Variants in RNF213 observed in about 807,000 individuals in gnomAD.
The protein encoded by RNF213 is ring finger protein 213.
In RNF213, 341 loss-of-function variants were observed where a neutral mutation model predicts 514.4. The ratio of observed to expected loss-of-function variants is 0.66; its 90% confidence interval spans 0.61 to 0.73. The LOEUF is 0.73. Among genes scored for constraint, RNF213 ranks in the 30% least tolerant of loss-of-function variants. The probability of loss-of-function intolerance (pLI) is 0.00; values close to 1 mark genes in which losing one functional copy is unlikely to be tolerated. For synonymous variants in RNF213, 2,655 were observed against 2,658.2 expected (o/e 1.00, Z 0.04); for missense variants, 5,767 against 6,615.6 (o/e 0.87, Z 4.45).
In RNF213 at chr17:80,327,967, GT is replaced by G. The variant is rs1568077294; in HGVS notation, c.3348del (p.Asp1118ThrfsTer5). On this transcript the variant is annotated frameshift_variant, in exon 19 of 68. Transcript: ENST00000582970. LOFTEE classifies it high-confidence loss of function. ...AGCTGATTATAAAGCACAAGAATCA[GT>G]TTCTTGACATCTGGCAACTGAGTAA... is the stretch of plus-strand genomic sequence containing the variant. Reference protein sequence around the residue: ...LELIIKHKNQFLDIWQLREKS... With the variant: ...LELIIKHKNQXLDIWQLREKS... 3.3e-6 allele frequency: 5 copies of G among 1,537,292 alleles called. No individual in the cohort carries two copies. Among genetic ancestry groups the G allele is most frequent in the Non-Finnish European group, 4.4e-6 (5 of 1,146,916 alleles).
At chr17:80,289,347 T>C (rs1451435223) in intron 5 of RNF213, among the ~76,000 whole-genome samples, 3 of 152,154 alleles carry the variant, frequency 2.0e-5, no homozygotes, top group African/African-American at 7.2e-5. Flanking sequence ...CCCAGCACTT[T>C]GGGAAGCCCA....
chr17:80,332,028 A>G lies in RNF213; in HGVS notation c.3540A>G (p.Val1180=). The change falls in exon 21 of 68, where the codon GTA becomes GTG. Residue 1180 remains valine, a synonymous_variant. Coordinates refer to ENST00000582970, the MANE Select transcript of RNF213 (RefSeq NM_001256071.3). ...AAGTGGACTTTGGAGTGCTTGCAGT[A>G]AGACACTCACAAGACCTCAGCAGTA... ...LIQVDFGVLA[V]RHSQDLSSKR... The G allele has an allele frequency of 6.5e-7, 1 of 1,536,626 alleles. No individual in the cohort carries two copies. Among genetic ancestry groups the G allele is most frequent in the South Asian group, 1.2e-5 (1 of 84,050 alleles).
At chr17:80,336,630 G>T in intron 23 of RNF213, 1 of 508,586 alleles carries the variant, frequency 2.0e-6, no homozygotes, top group Non-Finnish European at 3.6e-6. Flanking sequence ...AGACAGAAGG[G>T]AAATATGCTG....
Position 80,289,739 on chromosome 17 carries a change from C to G in RNF213, c.1014C>G (p.Asp338Glu). Residue 338 changes from aspartate to glutamate, a missense_variant, in exon 6 of 68, where the codon GAC (aspartate) becomes GAG (glutamate). Transcript: ENST00000582970. ...AGAATGAACAAGGGGAGCCTGAAGA[C>G]CTCAAGAAGCCAGAGGGGAAGAACA... Reference protein sequence around the residue: ...VGKNEQGEPEDLKKPEGKNRS... With the variant: ...VGKNEQGEPEELKKPEGKNRS... 1 of 1,614,016 alleles carries G rather than the reference C, an allele frequency of 6.2e-7. No homozygotes were observed. Among genetic ancestry groups the G allele is most frequent in the Non-Finnish European group, 8.5e-7 (1 of 1,179,992 alleles).
rs148157068 is a variant in RNF213, at chr17:80,371,944, G to A, written c.12496G>A (p.Asp4166Asn). The change falls in exon 47 of 68, where the codon GAT becomes AAT. Residue 4166 changes from aspartate (D) to asparagine (N), a missense_variant. Asp to Asn is a conservative substitution (Grantham distance 23, BLOSUM62 1). Transcript: ENST00000582970. Reference protein sequence around the residue: ...LLKKKAFITEDKTELYMLFIN... With the variant: ...LLKKKAFITENKTELYMLFIN... The stretch of plus-strand genomic sequence containing the variant: ...AAAAAAGAAAGCATTCATAACTGAA[G>A]ATAAAACTGAACTGTACATGCTCTT... The A allele has an allele frequency of 4.1e-4, 657 of 1,597,998 alleles. 2 individuals carry two copies. Among genetic ancestry groups the A allele is most frequent in the Middle Eastern group, 6.6e-4 (4 of 6,052 alleles).
intron 63 of RNF213, among the ~76,000 whole-genome samples, chr17:80,387,635 C>T (rs1479063895): frequency 1.3e-5 from 2 of 152,226 alleles, no homozygotes; most frequent in African/African-American, 2.4e-5. Context: ...GCCTAAAACC[C>T]ACATCTGGCT....
At chr17:80,299,214 A>G (rs907311127) in intron 11 of RNF213, among the ~76,000 whole-genome samples, 5 of 144,194 alleles carry the variant, frequency 3.5e-5, no homozygotes, top group Admixed American at 3.4e-4. Flanking sequence ...ATTCTTGTCT[A>G]TGTCTTAGCG....
chr17:80,363,815 C>G (rs764265371), intron 41 of RNF213, 25 bp downstream of exon 41: 6 of 1,607,758 alleles, frequency 3.7e-6, no homozygotes, highest in Middle Eastern at 1.9e-4. Flanking sequence ...CCCTCACCCA[C>G]TGCTTCATCT....
At chr17:80,338,907 C>A (rs2078065591) in intron 25 of RNF213, among the ~76,000 whole-genome samples, 1 of 149,246 alleles carries the variant, frequency 6.7e-6, no homozygotes, top group African/African-American at 2.5e-5. Context: ...GAGATCACAC[C>A]ACTGCACTCC....
intron 46 of RNF213, 169 bp from the exon 47 acceptor site, chr17:80,371,705 G>A: frequency 1.8e-6 from 1 of 567,606 alleles, no homozygotes; most frequent in Non-Finnish European, 3.2e-6. Context: ...TATTCCTCCA[G>A]TATTATGCTA....
intron 3 of RNF213, among the ~76,000 whole-genome samples, chr17:80,275,040 TGGG>T (rs756590601): frequency 8.9e-5 from 7 of 78,986 alleles, no homozygotes; most frequent in South Asian, 4.5e-4. Flanking sequence ...GTGTGTGTGT[TGGG>T]GGTGTGTGTT....
rs2080232098 is a variant in RNF213, at chr17:80,386,294, C to G, written c.14584C>G (p.Leu4862Val). 3.7e-6 allele frequency: 6 copies of G among 1,613,078 alleles called. No individual in the cohort carries two copies. The highest frequency in any genetic ancestry group is 5.1e-6 in the Non-Finnish European group (6 of 1,180,020). ...AGACTACTGCAGCACTGACTTGGAT[C>G]TGGACACTGAGTTTGAGATCCTCTT... ...PKDYCSTDLDLDTEFEILLPR... is the reference protein window; with the variant it reads ...PKDYCSTDLDVDTEFEILLPR... Residue 4862 changes from leucine to valine, a missense_variant, in exon 62 of 68, where the codon CTG becomes GTG. Physicochemically the swap from Leu to Val is conservative, Grantham distance 32 (BLOSUM62 1). Around this residue, in one of 13 missense-constraint regions of RNF213, gnomAD observed 1,245 missense variants for 1,339.0 expected, o/e 0.93. Transcript: ENST00000582970.
At chr17:80,274,899 TG>T (rs564689090) in intron 3 of RNF213, among the ~76,000 whole-genome samples, 4 of 61,340 alleles carry the variant, frequency 6.5e-5, no homozygotes, top group African/African-American at 7.7e-5. Flanking sequence ...GTGTGTGTGT[TG>T]GGGGTGTGTG....
intron 11 of RNF213, among the ~76,000 whole-genome samples, chr17:80,298,944 A>G (rs1446836399): frequency 1.3e-5 from 2 of 152,198 alleles, no homozygotes; most frequent in East Asian, 3.8e-4. Flanking sequence ...ATGCTACTGC[A>G]CTGTAGCTTG....
chr17:80,291,521 C>A (rs2044728636), intron 7 of RNF213, 107 bp from the exon 8 acceptor site: 2 of 1,158,304 alleles, frequency 1.7e-6, no homozygotes, highest in Admixed American at 1.7e-5. Context: ...CTGAACCCAG[C>A]CTTGCCACAT....
At chr17:80,290,422 CGA>C (rs2044664931) in intron 6 of RNF213, 146 bp from the exon 7 acceptor site, 2 of 862,784 alleles carry the variant, frequency 2.3e-6, no homozygotes, top group South Asian at 1.4e-5. Context: ...TGCGTGTGTG[CGA>C]GTGTGCGCGT....
In RNF213 at chr17:80,348,341, C is replaced by G. The variant is rs74458279; in HGVS notation, c.9951+55C>G. On this transcript the variant is annotated intron_variant, in intron 29 of 67. Transcript: ENST00000582970. ...CCCCTGTCACCCAAGAGTCCTAAATCCCTCGTGTCAGGATTCAAGATTCTT... is the reference window on the plus strand; with the variant it reads ...CCCCTGTCACCCAAGAGTCCTAAATGCCTCGTGTCAGGATTCAAGATTCTT... The G allele has an allele frequency of 2.5e-4, 394 of 1,598,794 alleles. No homozygotes were observed. The African/African-American group carries it at 4.7e-3, about 19-fold the overall frequency.
intron 26 of RNF213, 196 bp downstream of exon 26, chr17:80,340,552 C>T: frequency 1.7e-6 from 1 of 592,854 alleles, no homozygotes; most frequent in Middle Eastern, 4.5e-4. Flanking sequence ...ATGGGTATTC[C>T]CTGGGAGCCC....
intron 63 of RNF213, among the ~76,000 whole-genome samples, chr17:80,388,266 AGAGT>A (rs1194782975): frequency 6.6e-6 from 1 of 152,228 alleles, no homozygotes; most frequent in Non-Finnish European, 1.5e-5. Flanking sequence ...TTCCTCTGGC[AGAGT>A]GACTGCCTGT....
Sources: allele counts gnomAD v4.1 joint callset (sites outside exome capture counted in the v4.1 genomes callset), GRCh38; gene constraint gnomAD v4.1.1; regional missense constraint gnomAD v4.1.1; transcripts MANE v1.5; gene names NCBI Gene and HGNC (gene_info 2026-07-23, HGNC 2026-07-21).